The following BRINP3 variants were observed in gnomAD, a reference collection of about 807,000 sequenced individuals.
The protein encoded by BRINP3 is BMP/retinoic acid-inducible neural-specific protein 3.
A neutral mutation model predicts 71.0 loss-of-function variants in BRINP3; 19 were observed. The ratio of observed to expected loss-of-function variants is 0.27; its 90% confidence interval spans 0.19 to 0.39. BRINP3 has a LOEUF of 0.39. Among genes scored for constraint, BRINP3 ranks in the 10% least tolerant of loss-of-function variants. BRINP3 has a pLI of 1.00. For missense variants in BRINP3, 959 were observed against 940.8 expected (o/e 1.02, Z -0.25); for synonymous variants, 380 against 337.7 (o/e 1.13, Z -1.37).
intron 2 of BRINP3, among the ~76,000 whole-genome samples, chr1:190,449,170 A>T: frequency 6.6e-6 from 1 of 152,004 alleles, no homozygotes; most frequent in Non-Finnish European, 1.5e-5. Context: ...ACTATTTTTC[A>T]CTAAACTCTG....
chr1:190,318,667 C>T (rs1372302069), intron 2 of BRINP3, among the ~76,000 whole-genome samples: 1 of 151,782 alleles, frequency 6.6e-6, no homozygotes. Flanking sequence ...TTAAATTTCA[C>T]AGAGATTTTT....
chr1:190,387,610 A>G (rs1670993824), intron 2 of BRINP3, among the ~76,000 whole-genome samples: 1 of 151,850 alleles, frequency 6.6e-6, no homozygotes, highest in African/African-American at 2.4e-5. Flanking sequence ...TCAGGTGAGC[A>G]TGGGTTCCAG....
chr1:190,113,364 A>C (rs892273736), intron 7 of BRINP3, among the ~76,000 whole-genome samples: 3 of 151,994 alleles, frequency 2.0e-5, no homozygotes, highest in African/African-American at 7.3e-5. Flanking sequence ...ATGTCACTTC[A>C]GTTTATTATC....
At chr1:190,211,402 T>C (rs1385046688) in intron 6 of BRINP3, among the ~76,000 whole-genome samples, 6 of 152,112 alleles carry the variant, frequency 3.9e-5, no homozygotes, top group Non-Finnish European at 8.8e-5. Flanking sequence ...ACTGTGCCTA[T>C]TGAAAAGGTG....
chr1:190,382,901 C>G lies in BRINP3; in HGVS notation c.236+71754G>C, dbSNP rs112247309. On this transcript the variant is annotated intron_variant, in intron 2 of 7. Coordinates refer to ENST00000367462, the MANE Select transcript of BRINP3 (RefSeq NM_199051.3). The stretch of plus-strand genomic sequence containing the variant: ...CCGGGAAGAGCAAATGCCACAGTTC[C>G]TTCAATTCACTGTGACCATGTAGAT... Among the ~76,000 whole-genome samples the G allele has an allele frequency of 2.0e-3, 310 of 152,228 alleles. 1 individual carries two copies. Among genetic ancestry groups the G allele is most frequent in the African/African-American group, 6.9e-3 (286 of 41,552 alleles).
chr1:190,210,292 T>C (rs1236842645), intron 6 of BRINP3, among the ~76,000 whole-genome samples: 2 of 152,108 alleles, frequency 1.3e-5, no homozygotes, highest in Middle Eastern at 6.3e-3. Context: ...TCTGAATATA[T>C]TGTATTATTT....
chr1:190,110,194 A>G (rs1438899283), intron 7 of BRINP3, among the ~76,000 whole-genome samples: 1 of 152,178 alleles, frequency 6.6e-6, no homozygotes, highest in African/African-American at 2.4e-5. Context: ...TCCAGTTATA[A>G]GTAGGGAGAG....
chr1:190,120,436 T>C (rs1045177115), intron 7 of BRINP3, among the ~76,000 whole-genome samples: 7 of 152,162 alleles, frequency 4.6e-5, no homozygotes, highest in African/African-American at 1.4e-4. Context: ...TGTTTTCTTA[T>C]AATGTCAAGC....
intron 7 of BRINP3, among the ~76,000 whole-genome samples, chr1:190,153,162 CCTT>C (rs1656568719): frequency 1.3e-5 from 2 of 151,910 alleles, no homozygotes; most frequent in Admixed American, 1.3e-4. Context: ...GATTTTTTTT[CCTT>C]CTTCTTCTGT....
chr1:190,397,786 C>T (rs1671674583), intron 2 of BRINP3, among the ~76,000 whole-genome samples: 1 of 151,750 alleles, frequency 6.6e-6, no homozygotes. Context: ...AATCTCCTTA[C>T]AATTTATTAA....
chr1:190,127,666 T>C (rs969855139), intron 7 of BRINP3, among the ~76,000 whole-genome samples: 1 of 151,864 alleles, frequency 6.6e-6, no homozygotes, highest in Non-Finnish European at 1.5e-5. Flanking sequence ...AAAAGTAATG[T>C]TGTCACTTCT....
intron 2 of BRINP3, among the ~76,000 whole-genome samples, chr1:190,387,674 A>G (rs1391179787): frequency 6.6e-6 from 1 of 151,682 alleles, no homozygotes; most frequent in Non-Finnish European, 1.5e-5. Context: ...CCTATGTCTC[A>G]TTTGTTTGCT....
At chr1:190,409,357 T>A (rs1235473704) in intron 2 of BRINP3, among the ~76,000 whole-genome samples, 5 of 152,212 alleles carry the variant, frequency 3.3e-5, no homozygotes, top group Admixed American at 3.3e-4. Flanking sequence ...TTAAAAAATA[T>A]TACTATGGAC....
At chr1:190,472,460 T>TC in intron 1 of BRINP3, among the ~76,000 whole-genome samples, 1 of 151,742 alleles carries the variant, frequency 6.6e-6, no homozygotes, top group Non-Finnish European at 1.5e-5. Context: ...ATATTTTTTT[T>TC]CTAAAAACAA....
chr1:190,370,959 T>C (rs1345264848), intron 2 of BRINP3, among the ~76,000 whole-genome samples: 2 of 152,214 alleles, frequency 1.3e-5, no homozygotes, highest in African/African-American at 4.8e-5. Context: ...CAAATACCTG[T>C]TGGTCATCTG....
intron 6 of BRINP3, among the ~76,000 whole-genome samples, chr1:190,223,182 A>G (rs1245112979): frequency 3.3e-5 from 5 of 151,972 alleles, no homozygotes; most frequent in Non-Finnish European, 7.4e-5. Flanking sequence ...GGTCAGCATT[A>G]CCCTGATACT....
intron 3 of BRINP3, among the ~76,000 whole-genome samples, chr1:190,279,699 C>T (rs1338891408): frequency 6.6e-6 from 1 of 151,786 alleles, no homozygotes; most frequent in East Asian, 1.9e-4. Context: ...CTCAGGCATC[C>T]ACTCCTTTTT....
At chr1:190,379,079 G>A (rs369796907) in intron 2 of BRINP3, among the ~76,000 whole-genome samples, 1 of 152,002 alleles carries the variant, frequency 6.6e-6, no homozygotes. Context: ...CACAGTTCTC[G>A]ATAAAAATAA....
chr1:190,384,080 A>G (rs979539628), intron 2 of BRINP3, among the ~76,000 whole-genome samples: 57 of 151,830 alleles, frequency 3.8e-4, no homozygotes, highest in African/African-American at 1.4e-3. Flanking sequence ...CTCTTTTGTC[A>G]TATGGTTTCA....
Sources: gnomAD v4.1 joint callset for allele counts (sites outside exome capture counted in the v4.1 genomes callset) on GRCh38, gnomAD v4.1.1 for gene constraint, MANE v1.5 for transcripts, NCBI Gene and HGNC (gene_info 2026-07-23, HGNC 2026-07-21) for gene names.